Variants in ADAMTSL1 observed in about 807,000 individuals in gnomAD.
ADAMTSL1 encodes the protein ADAMTS-like protein 1.
ADAMTSL1 carries 126 observed loss-of-function variants against 201.8 expected under a neutral mutation model. That is an observed-to-expected ratio of 0.62 (90% CI 0.54 to 0.72). The LOEUF is 0.72. ADAMTSL1 is among the 30% of genes least tolerant of loss of function. The probability of loss-of-function intolerance (pLI) is 0.00; values close to 1 mark genes in which losing one functional copy is unlikely to be tolerated. For synonymous variants in ADAMTSL1, 1,121 were observed against 903.4 expected, an observed-to-expected ratio of 1.24 and a Z score of -4.32; for missense variants, 2,679 against 2,277.8, an observed-to-expected ratio of 1.18 and a Z score of -3.59.
intron 3 of ADAMTSL1, among the ~76,000 whole-genome samples, chr9:18,559,792 T>C (rs1413869213): frequency 6.6e-6 from 1 of 152,240 alleles, no homozygotes; most frequent in African/African-American, 2.4e-5. Flanking sequence ...TGCTAACTCA[T>C]GATTTGGCTC....
Position 18,074,627 on chromosome 9 carries a change from G to A in ADAMTSL1, c.88-89235G>A, listed in dbSNP as rs192368607. Among the ~76,000 whole-genome samples, 76 of 144,606 alleles carry A rather than the reference G, an allele frequency of 5.3e-4. 2 individuals carry two copies. The highest frequency in any genetic ancestry group is 2.2e-4 in the South Asian group (1 of 4,610). 94.9% of individuals were successfully genotyped at this position (144,606 alleles called of 152,430 possible). A position where few individuals can be genotyped will look rare whatever the true frequency, so the allele number is the denominator to read the frequency against. On this transcript the variant is annotated intron_variant, in intron 1 of 29. Coordinates refer to the ADAMTSL1 transcript ENST00000680146. ...GTTGTTGAGACGGAGTTTCACTCTC[G>A]TCACTCAGGCTGGAGTGCAATGGCA...
intron 3 of ADAMTSL1, among the ~76,000 whole-genome samples, chr9:18,556,290 A>T (rs1821105576): frequency 6.6e-6 from 1 of 152,044 alleles, no homozygotes; most frequent in Non-Finnish European, 1.5e-5. Flanking sequence ...TGGAAGCATC[A>T]TAAAGGCAGG....
Position 18,492,412 on chromosome 9 carries a change from C to A in ADAMTSL1, c.64-12417C>A, listed in dbSNP as rs575829578. ...AAGTACAGAGTATAATTTAGCATTT[C>A]TTTTATTATTCAGAAGTCACTTTAG... On this transcript the variant is annotated intron_variant, in intron 1 of 28. Transcript: ENST00000380548. Among the ~76,000 whole-genome samples the A allele has an allele frequency of 2.0e-5, 3 of 152,206 alleles. No homozygotes were observed. In the South Asian group the frequency reaches 6.2e-4, roughly 32 times the overall value.
At chr9:18,350,536 A>G (rs1283313517) in intron 2 of ADAMTSL1, among the ~76,000 whole-genome samples, 1 of 152,096 alleles carries the variant, frequency 6.6e-6, no homozygotes, top group Non-Finnish European at 1.5e-5. Flanking sequence ...GTGAAAACCC[A>G]GAAGTTCAAG....
At chr9:18,084,260 G>T in intron 1 of ADAMTSL1, among the ~76,000 whole-genome samples, 1 of 151,768 alleles carries the variant, frequency 6.6e-6, no homozygotes, top group Admixed American at 6.6e-5. Context: ...GGTGGCTCAT[G>T]CCTGTAATCC....
chr9:18,798,278 T>C (rs1822559029), intron 20 of ADAMTSL1, among the ~76,000 whole-genome samples: 2 of 151,998 alleles, frequency 1.3e-5, no homozygotes, highest in African/African-American at 4.8e-5. Context: ...AGCCTTAGGG[T>C]CTAGGTCTGT....
At chr9:18,362,543 G>A (rs146292070) in intron 2 of ADAMTSL1, among the ~76,000 whole-genome samples, 130 of 152,268 alleles carry the variant, frequency 8.5e-4, no homozygotes, top group African/African-American at 3.1e-3. Context: ...TTCTTAAGGA[G>A]CTGGCATTTT....
Position 18,776,999 on chromosome 9 carries a change from G to A in ADAMTSL1, c.2770G>A (p.Val924Ile), listed in dbSNP as rs199730614. Residue 924 changes from valine (V) to isoleucine (I), a missense_variant, in exon 19 of 29, where the codon GTC becomes ATC. Val to Ile is a conservative substitution (Grantham distance 29). Coordinates refer to ENST00000380548, the MANE Select transcript of ADAMTSL1 (RefSeq NM_001040272.6). ...DGQHLISSTH[V>I]TVAPFGYLKI... is the part of the protein sequence containing the mutation. ...CCAGCACCTCATCAGCTCGACGCACGTCACGGTGGCCCCCTTCGGCTATCT... is the reference window on the plus strand; with the variant it reads ...CCAGCACCTCATCAGCTCGACGCACATCACGGTGGCCCCCTTCGGCTATCT... The A allele has an allele frequency of 8.3e-4, 1,332 of 1,602,988 alleles. 1 individual carries two copies. Among genetic ancestry groups the A allele is most frequent in the Non-Finnish European group, 1.1e-3 (1,244 of 1,172,978 alleles).
At chr9:18,507,473 T>C (rs929523694) in intron 2 of ADAMTSL1, among the ~76,000 whole-genome samples, 3 of 152,222 alleles carry the variant, frequency 2.0e-5, no homozygotes, top group African/African-American at 7.2e-5. Context: ...TGAATGTTCC[T>C]GGATGCTATA....
intron 1 of ADAMTSL1, among the ~76,000 whole-genome samples, chr9:18,005,653 G>C (rs1003513009): frequency 2.0e-5 from 3 of 152,056 alleles, no homozygotes; most frequent in Admixed American, 6.6e-5. Context: ...GGTAGTAACA[G>C]ATCTTTGCTA....
chr9:18,682,287 C>T (rs911130984), intron 12 of ADAMTSL1, among the ~76,000 whole-genome samples: 15 of 152,260 alleles, frequency 9.9e-5, no homozygotes, highest in African/African-American at 3.6e-4. Flanking sequence ...ATTTACTATC[C>T]ACATTTCTTG....
chr9:18,655,180 G>A (rs1301566525), intron 7 of ADAMTSL1, among the ~76,000 whole-genome samples: 6 of 152,228 alleles, frequency 3.9e-5, no homozygotes, highest in Non-Finnish European at 8.8e-5. Flanking sequence ...TGTGCTTAAT[G>A]ATGTCTTCAT....
chr9:18,432,361 T>G (rs1819531349), intron 2 of ADAMTSL1, among the ~76,000 whole-genome samples: 1 of 152,232 alleles, frequency 6.6e-6, no homozygotes, highest in Non-Finnish European at 1.5e-5. Context: ...GTATAGGTTT[T>G]CACCATGTAT....
intron 2 of ADAMTSL1, among the ~76,000 whole-genome samples, chr9:18,401,150 C>T (rs1403152442): frequency 6.6e-6 from 1 of 152,102 alleles, no homozygotes; most frequent in Non-Finnish European, 1.5e-5. Context: ...TTTTGGAAAA[C>T]TTAATGCTCG....
intron 2 of ADAMTSL1, among the ~76,000 whole-genome samples, chr9:18,193,992 A>G (rs1448125561): frequency 6.6e-6 from 1 of 152,180 alleles, no homozygotes; most frequent in Non-Finnish European, 1.5e-5. Flanking sequence ...GTAGGTAATA[A>G]TAACAACCAT....
chr9:18,354,021 T>C (rs1052617412), intron 2 of ADAMTSL1, among the ~76,000 whole-genome samples: 5 of 146,816 alleles, frequency 3.4e-5, no homozygotes, highest in African/African-American at 1.2e-4. Context: ...TTATTACTTG[T>C]ATATAGTTCC....
At chr9:18,064,651 G>T (rs1822612736) in intron 1 of ADAMTSL1, among the ~76,000 whole-genome samples, 1 of 151,678 alleles carries the variant, frequency 6.6e-6, no homozygotes, top group East Asian at 1.9e-4. Context: ...AGGTAGACGA[G>T]TTGATGAAAG....
At chr9:17,991,459 C>G (rs1404428834) in intron 1 of ADAMTSL1, among the ~76,000 whole-genome samples, 3 of 152,226 alleles carry the variant, frequency 2.0e-5, no homozygotes, top group African/African-American at 7.2e-5. Context: ...CTGAGAAACT[C>G]AGGAGCCAGT....
At chr9:18,758,029 T>G (rs1819870674) in intron 16 of ADAMTSL1, among the ~76,000 whole-genome samples, 1 of 152,178 alleles carries the variant, frequency 6.6e-6, no homozygotes, top group Admixed American at 6.5e-5. Flanking sequence ...ATTATCCCCA[T>G]TTTGCATGTG....
Sources: gnomAD v4.1 joint callset for allele counts (sites outside exome capture counted in the v4.1 genomes callset) on GRCh38, gnomAD v4.1.1 for gene constraint, MANE v1.5 for transcripts, NCBI Gene and HGNC (gene_info 2026-07-23, HGNC 2026-07-21) for gene names.